Variants in GUCA1C observed in about 807,000 individuals in gnomAD.
GUCA1C encodes the protein guanylate cyclase activator 1C, also known as guanylyl cyclase-activating protein 3.
A neutral mutation model predicts 16.2 loss-of-function variants in GUCA1C; 15 were observed. That is an observed-to-expected ratio of 0.93 (90% CI 0.62 to 1.43). GUCA1C has a LOEUF of 1.43. GUCA1C is among the 40% of genes most tolerant of loss of function. GUCA1C has a pLI of 0.00. For missense variants in GUCA1C, 275 were observed against 244.8 expected (o/e 1.12, Z -0.82); for synonymous variants, 78 against 85.4 (o/e 0.91, Z 0.48).
intron 1 of GUCA1C, among the ~76,000 whole-genome samples, chr3:108,924,388 C>G (rs1946600536): frequency 6.6e-6 from 1 of 152,048 alleles, no homozygotes. Flanking sequence ...TTTTCTGTGT[C>G]TATTGACATG....
intron 1 of GUCA1C, among the ~76,000 whole-genome samples, chr3:108,945,127 A>T (rs1946831620): frequency 6.6e-6 from 1 of 152,144 alleles, no homozygotes; most frequent in Non-Finnish European, 1.5e-5. Flanking sequence ...CTTTCCCGAG[A>T]ATTGGGTGTT....
chr3:108,935,203 G>T (rs1381137713), intron 1 of GUCA1C, among the ~76,000 whole-genome samples: 1 of 152,024 alleles, frequency 6.6e-6, no homozygotes, highest in Non-Finnish European at 1.5e-5. Context: ...GTTGGGGAAG[G>T]AGAGGAAGGG....
chr3:108,945,465 C>T (rs1439338692), intron 1 of GUCA1C, among the ~76,000 whole-genome samples: 1 of 152,166 alleles, frequency 6.6e-6, no homozygotes, highest in East Asian at 1.9e-4. Context: ...GACACGTTTG[C>T]GCCAGTCTAG....
intron 1 of GUCA1C, among the ~76,000 whole-genome samples, chr3:108,932,888 C>T (rs1032295130): frequency 1.5e-5 from 2 of 132,300 alleles, no homozygotes; most frequent in African/African-American, 5.7e-5. Context: ...CGCCATTGCA[C>T]TCCAGCCTGG....
At chr3:108,949,375 G>A (rs952476151) in intron 1 of GUCA1C, among the ~76,000 whole-genome samples, 1 of 152,168 alleles carries the variant, frequency 6.6e-6, no homozygotes, top group Admixed American at 6.5e-5. Context: ...TGGGAGAAGT[G>A]TCCTAGGCAC....
At position 108,953,539 on chromosome 3, in the gene GUCA1C, T is replaced by A. The variant is rs1036112123; in HGVS notation, c.204+20A>T. 3 of 1,492,200 alleles carry A rather than the reference T, an allele frequency of 2.0e-6. No individual in the cohort carries two copies. The African/African-American group carries it at 4.2e-5, about 21-fold the overall frequency. The allele number at this position is 1,492,200 out of a possible 1,614,324, so 92.4% of individuals were successfully genotyped here. A position where few individuals can be genotyped will look rare whatever the true frequency, so the allele number is the denominator to read the frequency against. Reference sequence around the variant, plus strand: ...AGAACCACAGCATTTTCAAATGAAATGAAAAATGAAAGATCTTACCTTGTT... The same window carrying A: ...AGAACCACAGCATTTTCAAATGAAAAGAAAAATGAAAGATCTTACCTTGTT... On this transcript the variant is annotated intron_variant, in intron 1 of 3. Coordinates refer to ENST00000261047, the MANE Select transcript of GUCA1C (RefSeq NM_005459.4).
At chr3:108,928,523 T>C (rs1946642225) in intron 1 of GUCA1C, among the ~76,000 whole-genome samples, 1 of 152,238 alleles carries the variant, frequency 6.6e-6, no homozygotes, top group Admixed American at 6.5e-5. Context: ...AAACCCAATG[T>C]CATCTAGATT....
At position 108,919,488 on chromosome 3, in the gene GUCA1C, A is replaced by AT. The variant is rs987474944; in HGVS notation, c.354+947dup. Among the ~76,000 whole-genome samples, 42 of 152,166 alleles carry AT rather than the reference A, an allele frequency of 2.8e-4. 2 individuals carry two copies. The highest frequency in any genetic ancestry group is 2.4e-3 in the Admixed American group (37 of 15,274). On this transcript the variant is annotated intron_variant, in intron 2 of 3. Coordinates refer to ENST00000261047, the MANE Select transcript of GUCA1C (RefSeq NM_005459.4). ...TCACTTGCCAAGTGAATCCTAGCACATTTTTTTTGTGTGAATGATCTATGT... is the reference window on the plus strand; with the variant it reads ...TCACTTGCCAAGTGAATCCTAGCACATTTTTTTTTGTGTGAATGATCTATGT...
At chr3:108,944,092 ACTT>A (rs1437434555) in intron 1 of GUCA1C, among the ~76,000 whole-genome samples, 23 of 152,336 alleles carry the variant, frequency 1.5e-4, no homozygotes, top group Admixed American at 1.4e-3. Flanking sequence ...TATATTTTAA[ACTT>A]CTTCTTGAGA....
rs772609631 is a variant in GUCA1C, at chr3:108,924,149, C to CT, written c.205-3565dup. Among the ~76,000 whole-genome samples the CT allele has an allele frequency of 4.6e-5, 7 of 152,198 alleles. No homozygotes were observed. The East Asian group carries it at 7.7e-4, about 17-fold the overall frequency. ...ATTTGGATTCCCTTTATTTCTTTCT[C>CT]TTGTCTTATTGCTCTTGGTAGGACT... On this transcript the variant is annotated intron_variant, in intron 1 of 3. Coordinates refer to ENST00000261047, the MANE Select transcript of GUCA1C (RefSeq NM_005459.4).
chr3:108,911,057 A>G (rs1946448299), intron 3 of GUCA1C, among the ~76,000 whole-genome samples: 1 of 152,162 alleles, frequency 6.6e-6, no homozygotes, highest in Non-Finnish European at 1.5e-5. Flanking sequence ...TATTTGTTGT[A>G]TTGGTGGGTG....
chr3:108,928,721 GTTTC>G (rs1434044346), intron 1 of GUCA1C, among the ~76,000 whole-genome samples: 8 of 152,060 alleles, frequency 5.3e-5, no homozygotes, highest in Non-Finnish European at 1.2e-4. Flanking sequence ...TATTGCCTTT[GTTTC>G]TTTGTCAATG....
chr3:108,929,004 T>C (rs1182728939), intron 1 of GUCA1C, among the ~76,000 whole-genome samples: 3 of 152,210 alleles, frequency 2.0e-5, no homozygotes, highest in Non-Finnish European at 1.5e-5. Context: ...TTGAATTTCA[T>C]TGAATCTACA....
At chr3:108,934,685 C>T (rs1946704441) in intron 1 of GUCA1C, among the ~76,000 whole-genome samples, 1 of 151,584 alleles carries the variant, frequency 6.6e-6, no homozygotes, top group African/African-American at 2.4e-5. Context: ...ACTATGCAGC[C>T]GAAAAACAGA....
chr3:108,950,761 T>A (rs929841931), intron 1 of GUCA1C, among the ~76,000 whole-genome samples: 1 of 152,134 alleles, frequency 6.6e-6, no homozygotes, highest in Non-Finnish European at 1.5e-5. Context: ...CTCATTAATA[T>A]TATAACAATA....
chr3:108,930,549 T>C (rs1946657901), intron 1 of GUCA1C, among the ~76,000 whole-genome samples: 1 of 152,260 alleles, frequency 6.6e-6, no homozygotes, highest in Non-Finnish European at 1.5e-5. Context: ...TTTTATTTTC[T>C]ACACTGTGGA....
At chr3:108,923,361 T>C (rs1946588335) in intron 1 of GUCA1C, among the ~76,000 whole-genome samples, 2 of 152,222 alleles carry the variant, frequency 1.3e-5, no homozygotes, top group Admixed American at 1.3e-4. Context: ...TTTATTCTTC[T>C]ACATGTGGCT....
At chr3:108,953,523 G>A (rs1387850900) in intron 1 of GUCA1C, 36 bp downstream of exon 1, 6 of 1,344,826 alleles carry the variant, frequency 4.5e-6, no homozygotes, top group Non-Finnish European at 6.4e-6. Flanking sequence ...CAGAACCACA[G>A]CATTTTCAAA....
In GUCA1C at chr3:108,907,855, T is replaced by C; in HGVS notation, c.*167A>G. 3.4e-6 allele frequency: 2 copies of C among 583,128 alleles called. No individual in the cohort carries two copies. Among genetic ancestry groups the C allele is most frequent in the South Asian group, 4.7e-5 (2 of 42,498 alleles). 36.1% of individuals were successfully genotyped at this position (583,128 alleles called of 1,614,324 possible). ...ACAGAAAAGCAACAATGCATCTGTT[T>C]AGGATCTTTATGCAAGTCTCTACTG... On this transcript the variant is annotated 3_prime_UTR_variant, in exon 4 of 4. Coordinates refer to ENST00000261047, the MANE Select transcript of GUCA1C (RefSeq NM_005459.4).
Sources: gnomAD v4.1 joint callset for allele counts (sites outside exome capture counted in the v4.1 genomes callset) on GRCh38, gnomAD v4.1.1 for gene constraint, MANE v1.5 for transcripts, NCBI Gene and HGNC (gene_info 2026-07-23, HGNC 2026-07-21) for gene names.